ATP10D: variants seen among roughly 807,000 people sequenced by gnomAD.
ATP10D encodes the protein phospholipid-transporting ATPase VD.
In ATP10D, 89 loss-of-function variants were observed where a neutral mutation model predicts 144.8. The ratio of observed to expected loss-of-function variants is 0.61; its 90% CI spans 0.52 to 0.73. ATP10D has a LOEUF of 0.73. ATP10D is among the 30% of genes least tolerant of loss of function. ATP10D has a pLI of 0.00. For missense variants in ATP10D, 1,603 were observed against 1,714.8 expected, an observed-to-expected ratio of 0.93 and a Z score of 1.15; for synonymous variants, 571 against 615.1, an observed-to-expected ratio of 0.93 and a Z score of 1.06.
In ATP10D at chr4:47,554,848, C is replaced by T. The variant is rs377124199; in HGVS notation, c.1758C>T (p.Asp586=). ...NPPMETLYII[D]FFIALAICNT... ...CAATGGAAACTTTGTACATTATCGA[C>T]TTTTTCATTGCATTGGCAATTTGCA... Residue 586 remains aspartate, a synonymous_variant, in exon 11 of 23, where the codon GAC becomes GAT. Transcript: ENST00000273859. 11 of 1,614,114 alleles carry T rather than the reference C, an allele frequency of 6.8e-6. No individual in the cohort carries two copies. Among genetic ancestry groups the T allele is most frequent in the East Asian group, 6.7e-5 (3 of 44,874 alleles).
chr4:47,584,446 G>A (rs1720684028), intron 21 of ATP10D, among the ~76,000 whole-genome samples: 1 of 152,160 alleles, frequency 6.6e-6, no homozygotes, highest in African/African-American at 2.4e-5. Context: ...AGGCTGGAGT[G>A]CAGTGGCACT....
At chr4:47,564,907 A>G (rs1719524756) in intron 15 of ATP10D, among the ~76,000 whole-genome samples, 2 of 152,164 alleles carry the variant, frequency 1.3e-5, no homozygotes, top group Admixed American at 1.3e-4. Flanking sequence ...CTTCAGGATC[A>G]CTTCTTGAGC....
chr4:47,575,844 C>T (rs920929431), intron 18 of ATP10D, among the ~76,000 whole-genome samples: 7 of 146,292 alleles, frequency 4.8e-5, no homozygotes, highest in African/African-American at 7.5e-5. Flanking sequence ...GGTTCTGGTG[C>T]GGGTTTTCTT....
chr4:47,547,633 GAT>G (rs1174902967), intron 10 of ATP10D: 1 of 149,802 alleles, frequency 6.7e-6, no homozygotes, highest in Non-Finnish European at 1.5e-5. Flanking sequence ...CCATCAGACT[GAT>G]AATACCTACA....
chr4:47,493,792 T>C (rs1448201271), intron 1 of ATP10D, among the ~76,000 whole-genome samples: 1 of 152,078 alleles, frequency 6.6e-6, no homozygotes, highest in African/African-American at 2.4e-5. Flanking sequence ...GATTGTGTGC[T>C]TGGGTTGGGG....
Position 47,535,521 on chromosome 4 carries a change from C to A in ATP10D, c.789C>A (p.Asn263Lys), listed in dbSNP as rs1438148196. The A allele has an allele frequency of 5.6e-6, 9 of 1,609,668 alleles. No individual in the cohort carries two copies. Among genetic ancestry groups the A allele is most frequent in the African/African-American group, 1.3e-5 (1 of 74,634 alleles). ...GTCTTTCTTATAGAGAACATTCCAA[C>A]AAAGAACGCGTGGGTCTCAGTAAAG... The part of the protein sequence containing the change: ...SRFRGFLEHS[N>K]KERVGLSKEN... The change falls in exon 6 of 23, where the codon AAC (asparagine) becomes AAA (lysine). Residue 263 changes from asparagine (N) to lysine (K), a missense_variant. Asn to Lys is a moderately conservative substitution (Grantham distance 94). Coordinates refer to ENST00000273859, the MANE Select transcript of ATP10D (RefSeq NM_020453.4).
intron 1 of ATP10D, among the ~76,000 whole-genome samples, chr4:47,498,755 A>C (rs1351552014): frequency 6.6e-6 from 1 of 152,232 alleles, no homozygotes; most frequent in Non-Finnish European, 1.5e-5. Flanking sequence ...TTATTGGTTA[A>C]AACAGTAAAC....
rs374711439 is a variant in ATP10D, at chr4:47,557,524, G to A, written c.1825-140G>A. The A allele has an allele frequency of 6.3e-4, 440 of 703,746 alleles. No individual in the cohort carries two copies. The highest frequency in any genetic ancestry group is 2.1e-3 in the African/African-American group (116 of 55,518). The allele number at this position is 703,746 out of a possible 1,614,324, so 43.6% of individuals were successfully genotyped here. A position where few individuals can be genotyped will look rare whatever the true frequency, so the allele number is the denominator to read the frequency against. ...TATTTGTATTAATATTTTCCATGGC[G>A]GTCGTAAATAGAGAATGGGCTGCTA... On this transcript the variant is annotated intron_variant, in intron 11 of 22. Coordinates refer to ENST00000273859, the MANE Select transcript of ATP10D (RefSeq NM_020453.4).
At position 47,512,764 on chromosome 4, in the gene ATP10D, G is replaced by A. The variant is rs750138858; in HGVS notation, c.224G>A (p.Arg75Gln). ...TTCTCCGGAGCCTATGTGAACAATC[G>A]AATACGAACAACAAAGTACACACTT... is the stretch of plus-strand genomic sequence containing the variant. ...EKFSGAYVNN[R>Q]IRTTKYTLLN... Residue 75 changes from arginine to glutamine, a missense_variant, in exon 2 of 23, where the codon CGA becomes CAA. Coordinates refer to ENST00000273859, the MANE Select transcript of ATP10D (RefSeq NM_020453.4). 25 of 1,613,896 alleles carry A rather than the reference G, an allele frequency of 1.5e-5. No individual in the cohort carries two copies. The highest frequency in any genetic ancestry group is 3.3e-5 in the South Asian group (3 of 91,076).
chr4:47,497,934 G>T (rs1204228053), intron 1 of ATP10D, among the ~76,000 whole-genome samples: 1 of 152,168 alleles, frequency 6.6e-6, no homozygotes, highest in Non-Finnish European at 1.5e-5. Context: ...TCTTTAAAAT[G>T]CTTTTCCTAC....
rs142579158 is a variant in ATP10D, at chr4:47,572,689, A to G, written c.3241-183A>G. 1.2e-3 allele frequency among the ~76,000 whole-genome samples: 163 copies of G among 137,014 alleles called. 3 individuals are homozygous for G. Among genetic ancestry groups the G allele is most frequent in the African/African-American group, 4.3e-3 (161 of 37,472 alleles). 89.9% of individuals were successfully genotyped at this position (137,014 alleles called of 152,430 possible). ...TGTGTGTGTGTGTGTGTTGGATGGT[A>G]TTTTAGGCACAAAATTCAGATAAAA... On this transcript the variant is annotated intron_variant, in intron 17 of 22. Transcript: ENST00000273859.
Position 47,568,940 on chromosome 4 carries a change from C to A in ATP10D, c.2957C>A (p.Pro986His). The A allele has an allele frequency of 6.2e-7, 1 of 1,614,198 alleles. No individual in the cohort carries two copies. The highest frequency in any genetic ancestry group is 8.5e-7 in the Non-Finnish European group (1 of 1,180,034). Residue 986 changes from proline (P) to histidine (H), a missense_variant, in exon 16 of 23, where the codon CCT becomes CAT. Pro to His is a moderately conservative substitution (Grantham distance 77). Transcript: ENST00000273859. ...VSLSEDLLQP[P>H]VPRDSGLRAG... ...TTAAGTGAAGATTTACTTCAGCCTC[C>A]TGTCCCCCGGGACTCAGGGTTACGA...
intron 1 of ATP10D, among the ~76,000 whole-genome samples, chr4:47,494,562 A>G (rs529296320): frequency 2.0e-5 from 3 of 151,528 alleles, no homozygotes; most frequent in Non-Finnish European, 4.4e-5. Context: ...ACTTTATCTT[A>G]ATGGGCCCAT....
chr4:47,522,805 G>A (rs946693675), intron 3 of ATP10D, among the ~76,000 whole-genome samples: 3 of 152,150 alleles, frequency 2.0e-5, no homozygotes, highest in African/African-American at 7.2e-5. Flanking sequence ...CTGACCTCAG[G>A]CGATCCACCC....
intron 5 of ATP10D, among the ~76,000 whole-genome samples, chr4:47,530,128 C>G (rs774561177): frequency 1.3e-5 from 2 of 152,024 alleles, no homozygotes; most frequent in African/African-American, 4.8e-5. Context: ...AATTTGAATG[C>G]CTTTTATTTT....
chr4:47,580,165 C>T (rs1422071647), intron 19 of ATP10D, among the ~76,000 whole-genome samples: 2 of 152,166 alleles, frequency 1.3e-5, no homozygotes, highest in East Asian at 3.9e-4. Flanking sequence ...AAAATTTATC[C>T]TGTAATAAAG....
intron 5 of ATP10D, among the ~76,000 whole-genome samples, chr4:47,528,182 G>C (rs1717353297): frequency 6.6e-6 from 1 of 152,026 alleles, no homozygotes; most frequent in African/African-American, 2.4e-5. Context: ...GGTGCCTAGT[G>C]TACCCATCTC....
intron 3 of ATP10D, among the ~76,000 whole-genome samples, chr4:47,522,804 G>A (rs1010405350): frequency 9.2e-5 from 14 of 152,074 alleles, no homozygotes; most frequent in Admixed American, 7.9e-4. Flanking sequence ...CCTGACCTCA[G>A]GCGATCCACC....
chr4:47,581,836 A>G (rs1720533758), intron 20 of ATP10D, 124 bp from the exon 21 acceptor site: 1 of 707,740 alleles, frequency 1.4e-6, no homozygotes. Context: ...AGTTTATTTC[A>G]TATGGCCAGT....
Sources: gnomAD v4.1 joint callset for allele counts (sites outside exome capture counted in the v4.1 genomes callset) on GRCh38, gnomAD v4.1.1 for gene constraint, MANE v1.5 for transcripts, NCBI Gene and HGNC (gene_info 2026-07-23, HGNC 2026-07-21) for gene names.